The following KCNJ6 variants were observed in gnomAD, a reference collection of about 807,000 sequenced individuals.
KCNJ6 encodes potassium inwardly rectifying channel subfamily J member 6, also known as G protein-activated inward rectifier potassium channel 2.
KCNJ6 carries 9 observed loss-of-function variants against 34.2 expected under a neutral mutation model. The ratio of observed to expected loss-of-function variants is 0.26; its 90% confidence interval spans 0.16 to 0.46. KCNJ6 has a LOEUF of 0.46. KCNJ6 is among the 20% of genes least tolerant of loss of function. The pLI, the probability that KCNJ6 is intolerant of heterozygous loss-of-function variation, is 1.00. For missense variants in KCNJ6, 236 were observed against 531.3 expected, an observed-to-expected ratio of 0.44 and a Z score of 5.46; for synonymous variants, 196 against 207.1, an observed-to-expected ratio of 0.95 and a Z score of 0.46.
At chr21:37,746,373 A>C (rs1367953136) in intron 2 of KCNJ6, among the ~76,000 whole-genome samples, 1 of 152,160 alleles carries the variant, frequency 6.6e-6, no homozygotes, top group Non-Finnish European at 1.5e-5. Context: ...AAGAGAGCCC[A>C]CTTCCTTCAT....
chr21:37,745,064 C>T (rs528025809), intron 2 of KCNJ6, among the ~76,000 whole-genome samples: 3 of 135,226 alleles, frequency 2.2e-5, no homozygotes, highest in South Asian at 2.4e-4. Context: ...CTTAGCCCAA[C>T]GTTGCTGGTT....
intron 2 of KCNJ6, among the ~76,000 whole-genome samples, chr21:37,730,025 G>A (rs1210779482): frequency 2.6e-5 from 4 of 152,198 alleles, no homozygotes; most frequent in Admixed American, 6.5e-5. Context: ...TAGGCTGTCC[G>A]TTCCTCCTTC....
At chr21:37,705,748 T>G (rs1487407009) in intron 3 of KCNJ6, among the ~76,000 whole-genome samples, 2 of 152,190 alleles carry the variant, frequency 1.3e-5, no homozygotes, top group Non-Finnish European at 2.9e-5. Flanking sequence ...TCTTCACCAG[T>G]GAAGAAAGAA....
chr21:37,904,263 T>A (rs140722704), intron 1 of KCNJ6, among the ~76,000 whole-genome samples: 13 of 152,282 alleles, frequency 8.5e-5, no homozygotes, highest in Admixed American at 8.5e-4. Context: ...CTAGCTATTA[T>A]CCCAGTGGCC....
At chr21:37,909,221 T>G (rs904039168) in intron 1 of KCNJ6, among the ~76,000 whole-genome samples, 3 of 152,218 alleles carry the variant, frequency 2.0e-5, no homozygotes, top group Non-Finnish European at 2.9e-5. Flanking sequence ...TTAGTGAGAT[T>G]TAGATATTTT....
intron 2 of KCNJ6, among the ~76,000 whole-genome samples, chr21:37,779,545 G>C (rs1331212979): frequency 6.6e-6 from 1 of 152,124 alleles, no homozygotes; most frequent in African/African-American, 2.4e-5. Context: ...CTCTGCTTTA[G>C]AAATTTAGTG....
At chr21:37,899,869 C>T (rs2055808077) in intron 1 of KCNJ6, among the ~76,000 whole-genome samples, 1 of 152,186 alleles carries the variant, frequency 6.6e-6, no homozygotes, top group South Asian at 2.1e-4. Flanking sequence ...CATATGAGTT[C>T]CACTATGCAA....
intron 2 of KCNJ6, among the ~76,000 whole-genome samples, chr21:37,729,021 A>G (rs1031237503): frequency 6.6e-6 from 1 of 152,228 alleles, no homozygotes; most frequent in Non-Finnish European, 1.5e-5. Context: ...TATTCTAATC[A>G]GAATTCCAGA....
chr21:37,812,379 C>T (rs921500862), intron 2 of KCNJ6, among the ~76,000 whole-genome samples: 1 of 152,076 alleles, frequency 6.6e-6, no homozygotes, highest in Non-Finnish European at 1.5e-5. Context: ...GAAAAGTGGC[C>T]ATCTAATCTG....
chr21:37,636,327 C>T (rs702860), intron 3 of KCNJ6, among the ~76,000 whole-genome samples: 111,548 of 152,184 alleles, frequency 0.73, 41,277 homozygotes, highest in East Asian at 0.9. Flanking sequence ...AACTGACACG[C>T]AAACTCACCC....
chr21:37,816,644 C>T (rs556708794), intron 2 of KCNJ6, among the ~76,000 whole-genome samples: 1 of 152,304 alleles, frequency 6.6e-6, no homozygotes, highest in South Asian at 2.1e-4. Context: ...GGGGGCACCT[C>T]TGTGGCTATA....
At chr21:37,767,207 C>T (rs1041980826) in intron 2 of KCNJ6, among the ~76,000 whole-genome samples, 1 of 152,180 alleles carries the variant, frequency 6.6e-6, no homozygotes, top group Non-Finnish European at 1.5e-5. Context: ...TTGGCGAGCA[C>T]ACATCTTTGT....
At chr21:37,758,987 C>T (rs574370204) in intron 2 of KCNJ6, among the ~76,000 whole-genome samples, 8 of 152,152 alleles carry the variant, frequency 5.3e-5, no homozygotes, top group Non-Finnish European at 8.8e-5. Context: ...ATGGCTCAGC[C>T]CTGCTCACAT....
chr21:37,865,158 A>G (rs2055616298), intron 1 of KCNJ6, among the ~76,000 whole-genome samples: 2 of 152,210 alleles, frequency 1.3e-5, no homozygotes, highest in South Asian at 4.1e-4. Flanking sequence ...TAGGAGTGTT[A>G]GAAAAGCTGG....
At chr21:37,823,014 G>A (rs1462020037) in intron 2 of KCNJ6, among the ~76,000 whole-genome samples, 1 of 152,148 alleles carries the variant, frequency 6.6e-6, no homozygotes, top group African/African-American at 2.4e-5. Flanking sequence ...ATAGCACCAG[G>A]GGTTAGCACA....
intron 2 of KCNJ6, among the ~76,000 whole-genome samples, chr21:37,767,208 A>C (rs1305361240): frequency 6.6e-6 from 1 of 152,170 alleles, no homozygotes; most frequent in African/African-American, 2.4e-5. Flanking sequence ...TGGCGAGCAC[A>C]CATCTTTGTC....
At chr21:37,826,302 A>T (rs1235323002) in intron 2 of KCNJ6, among the ~76,000 whole-genome samples, 1 of 152,200 alleles carries the variant, frequency 6.6e-6, no homozygotes, top group Non-Finnish European at 1.5e-5. Context: ...AACTGGAGCT[A>T]AAACAGGAAG....
At chr21:37,878,772 A>G (rs1430042417) in intron 1 of KCNJ6, among the ~76,000 whole-genome samples, 3 of 152,046 alleles carry the variant, frequency 2.0e-5, no homozygotes, top group Non-Finnish European at 4.4e-5. Flanking sequence ...TCCGGGAGGG[A>G]AAGGTAGAGC....
rs1018434426 is a variant in KCNJ6 at position 37,756,426 on chromosome 21, G to C, written c.26-41295C>G. The stretch of plus-strand genomic sequence containing the variant: ...GGCGTGGGGGCCTGGGAGAAGGCAG[G>C]GGACGTGCGTGGAAACAGAGGCGCA... On this transcript the variant is annotated intron_variant, in intron 2 of 3. Transcript: ENST00000609713. Among the ~76,000 whole-genome samples the C allele has an allele frequency of 3.9e-5, 6 of 152,214 alleles. No homozygotes were observed. The South Asian group carries it at 1.2e-3, about 32-fold the overall frequency.
Sources: gnomAD v4.1 joint callset for allele counts (sites outside exome capture counted in the v4.1 genomes callset) on GRCh38, gnomAD v4.1.1 for gene constraint, MANE v1.5 for transcripts, NCBI Gene and HGNC (gene_info 2026-07-23, HGNC 2026-07-21) for gene names.